DYNLL2: variants seen among roughly 807,000 people sequenced by gnomAD.
The protein encoded by DYNLL2 is dynein light chain 2, cytoplasmic.
In DYNLL2, 1 loss-of-function variant was observed where a neutral mutation model predicts 9.7. That is an observed-to-expected ratio of 0.10 (90% CI 0.04 to 0.49). The LOEUF is 0.49. Ranked by LOEUF, DYNLL2 falls within the 20% of genes least tolerant of loss-of-function variation. The pLI is 0.95. For synonymous variants in DYNLL2, 35 were observed against 40.5 expected (o/e 0.86, Z 0.52); for missense variants, 37 against 115.2 (o/e 0.32, Z 3.11).
rs1220523059 is a variant in DYNLL2, at chr17:58,089,130, G to A, written c.133-12G>A. The A allele has an allele frequency of 6.2e-7, 1 of 1,612,668 alleles. No homozygotes were observed. Among genetic ancestry groups the A allele is most frequent in the Middle Eastern group, 1.6e-4 (1 of 6,062 alleles). On this transcript the variant is annotated splice_polypyrimidine_tract_variant and intron_variant, in intron 2 of 2. Transcript: ENST00000579991. ...CTAATTACCTTTCTTCTCTACCTTT[G>A]TTCTTTTTTAGGAATTTGACAAGAA...
At chr17:58,086,072 CAG>C (rs760409381) in intron 1 of DYNLL2, among the ~76,000 whole-genome samples, 1 of 152,114 alleles carries the variant, frequency 6.6e-6, no homozygotes, top group Non-Finnish European at 1.5e-5. Context: ...GAGGATGGGA[CAG>C]AGAGAGACAT....
rs999099854 is a variant in DYNLL2 at position 58,092,313 on chromosome 17, A to G, written c.*3034A>G. 2 of 152,334 alleles carry G rather than the reference A, an allele frequency of 1.3e-5. No homozygotes were observed. Among genetic ancestry groups the G allele is most frequent in the Admixed American group, 6.5e-5 (1 of 15,298 alleles). The allele number at this position is 152,334 out of a possible 1,614,324, so 9.4% of individuals were successfully genotyped here. A position where few individuals can be genotyped will look rare whatever the true frequency, so the allele number is the denominator to read the frequency against. ...GTGTCTCCAGGGCCAAAGCTCATCT[A>G]CTTTCTTCCCTGATGAAAGAGGCAG... On this transcript the variant is annotated 3_prime_UTR_variant, in exon 3 of 3. Coordinates refer to ENST00000579991, the MANE Select transcript of DYNLL2 (RefSeq NM_080677.3).
Position 58,084,921 on chromosome 17 carries a change from G to T in DYNLL2, c.-10+1238G>T, listed in dbSNP as rs747250621. 2.6e-4 allele frequency among the ~76,000 whole-genome samples: 39 copies of T among 150,656 alleles called. 1 individual carries two copies. Among genetic ancestry groups the T allele is most frequent in the Non-Finnish European group, 1.5e-5 (1 of 67,834 alleles). On this transcript the variant is annotated intron_variant, in intron 1 of 2. Coordinates refer to ENST00000579991, the MANE Select transcript of DYNLL2 (RefSeq NM_080677.3). ...CTTCACTTATACAGAGCCTTATAATGTAAGAACCTTTCTCCCTGTGCTGCT... is the reference window on the plus strand; with the variant it reads ...CTTCACTTATACAGAGCCTTATAATTTAAGAACCTTTCTCCCTGTGCTGCT...
chr17:58,087,868 A>G (rs2075765887), intron 2 of DYNLL2, among the ~76,000 whole-genome samples: 1 of 152,190 alleles, frequency 6.6e-6, no homozygotes, highest in Non-Finnish European at 1.5e-5. Flanking sequence ...AAAAGTAAGA[A>G]AAGGGGTACT....
chr17:58,089,025 G>C (rs1448147306), intron 2 of DYNLL2, 117 bp from the exon 3 acceptor site: 10 of 1,277,260 alleles, frequency 7.8e-6, no homozygotes, highest in Middle Eastern at 1.9e-4. Flanking sequence ...GGGATGGGGT[G>C]GGGGTGATAA....
chr17:58,087,779 C>T (rs2075765623), intron 2 of DYNLL2, among the ~76,000 whole-genome samples: 1 of 152,074 alleles, frequency 6.6e-6, no homozygotes, highest in Non-Finnish European at 1.5e-5. Context: ...AATAATGGGG[C>T]CATAGGTTTG....
chr17:58,084,820 C>G (rs1168262982), intron 1 of DYNLL2, among the ~76,000 whole-genome samples: 1 of 151,950 alleles, frequency 6.6e-6, no homozygotes, highest in African/African-American at 2.4e-5. Flanking sequence ...AGGCCCCACC[C>G]CCACCCCTGG....
intron 1 of DYNLL2, among the ~76,000 whole-genome samples, chr17:58,086,663 T>G (rs1414812518): frequency 2.0e-5 from 3 of 152,206 alleles, no homozygotes; most frequent in Non-Finnish European, 4.4e-5. Context: ...TGTTCAAATG[T>G]TAGGACACCT....
chr17:58,084,887 C>A (rs115886876), intron 1 of DYNLL2, among the ~76,000 whole-genome samples: 1,871 of 151,618 alleles, frequency 0.012, 56 homozygotes, highest in African/African-American at 0.042. Flanking sequence ...CCAGGTGACA[C>A]TAGTTTTTCT....
At chr17:58,084,733 T>C (rs577290604) in intron 1 of DYNLL2, among the ~76,000 whole-genome samples, 1 of 152,198 alleles carries the variant, frequency 6.6e-6, no homozygotes, top group Non-Finnish European at 1.5e-5. Flanking sequence ...CTTTGGACTT[T>C]GGGAATGAGG....
chr17:58,092,583 C>A lies in DYNLL2; in HGVS notation c.*3304C>A. On this transcript the variant is annotated 3_prime_UTR_variant, in exon 3 of 3. Transcript: ENST00000579991. ...CATAGGAGCATCAATATCCCTGCTC[C>A]TTGTATCCTGTTCTCCAGTCTTCTG... The A allele has an allele frequency of 6.6e-6, 1 of 152,234 alleles. No homozygotes were observed. Among genetic ancestry groups the A allele is most frequent in the Non-Finnish European group, 1.5e-5 (1 of 68,050 alleles). 9.4% of individuals were successfully genotyped at this position (152,234 alleles called of 1,614,324 possible).
rs1276001026 is a variant in DYNLL2 at position 58,083,445 on chromosome 17, G to A, written c.-248G>A. On this transcript the variant is annotated 5_prime_UTR_variant, in exon 1 of 3. Transcript: ENST00000579991. Reference sequence around the variant, plus strand: ...GCGGCAGAGCGGAGCGGAGCTGTGAGGCGCCAGTGCGGAGCGGGCGGGCGG... The same window carrying A: ...GCGGCAGAGCGGAGCGGAGCTGTGAAGCGCCAGTGCGGAGCGGGCGGGCGG... 1 of 116,614 alleles carries A rather than the reference G, an allele frequency of 8.6e-6. No individual in the cohort carries two copies. Among genetic ancestry groups the A allele is most frequent in the East Asian group, 3.5e-4 (1 of 2,854 alleles). 7.2% of individuals were successfully genotyped at this position (116,614 alleles called of 1,614,324 possible). A position where few individuals can be genotyped will look rare whatever the true frequency, so the allele number is the denominator to read the frequency against.
chr17:58,086,331 A>G (rs2075759876), intron 1 of DYNLL2, among the ~76,000 whole-genome samples: 1 of 152,266 alleles, frequency 6.6e-6, no homozygotes, highest in Non-Finnish European at 1.5e-5. Context: ...CAACTCTGCT[A>G]TCGTAGCATG....
At chr17:58,084,519 T>G (rs896176921) in intron 1 of DYNLL2, among the ~76,000 whole-genome samples, 1 of 152,148 alleles carries the variant, frequency 6.6e-6, no homozygotes, top group Non-Finnish European at 1.5e-5. Context: ...CCCAGGTCCC[T>G]TGCTTTTTCC....
rs752086307 is a variant in DYNLL2, at chr17:58,092,421, C to G, written c.*3142C>G. 1 of 152,238 alleles carries G rather than the reference C, an allele frequency of 6.6e-6. No individual in the cohort carries two copies. Among genetic ancestry groups the G allele is most frequent in the African/African-American group, 2.4e-5 (1 of 41,436 alleles). The allele number at this position is 152,238 out of a possible 1,614,324, so 9.4% of individuals were successfully genotyped here. Reference sequence around the variant, plus strand: ...TGGAAGACTAATCCTGCAGGGCTTCCTGGAGGAGATGAGCCTCCACTTTTC... The same window carrying G: ...TGGAAGACTAATCCTGCAGGGCTTCGTGGAGGAGATGAGCCTCCACTTTTC... On this transcript the variant is annotated 3_prime_UTR_variant, in exon 3 of 3. Coordinates refer to ENST00000579991, the MANE Select transcript of DYNLL2 (RefSeq NM_080677.3).
chr17:58,092,865 C>T lies in DYNLL2; in HGVS notation c.*3586C>T, dbSNP rs1397041986. Reference sequence around the variant, plus strand: ...GTGTGGTTCCCCGCTAAATTATTCTCTCACCTCCTTTCAGTCTTTGCTCAA... The same window carrying T: ...GTGTGGTTCCCCGCTAAATTATTCTTTCACCTCCTTTCAGTCTTTGCTCAA... On this transcript the variant is annotated 3_prime_UTR_variant, in exon 3 of 3. Coordinates refer to ENST00000579991, the MANE Select transcript of DYNLL2 (RefSeq NM_080677.3). 6.6e-6 allele frequency: 1 copy of T among 152,028 alleles called. No homozygotes were observed. Among genetic ancestry groups the T allele is most frequent in the Admixed American group, 6.5e-5 (1 of 15,284 alleles). The allele number at this position is 152,028 out of a possible 1,614,324, so 9.4% of individuals were successfully genotyped here. A position where few individuals can be genotyped will look rare whatever the true frequency, so the allele number is the denominator to read the frequency against.
rs2143594738 is a variant in DYNLL2 at position 58,087,073 on chromosome 17, C to G, written c.-9-9C>G. 6.2e-7 allele frequency: 1 copy of G among 1,612,718 alleles called. No individual in the cohort carries two copies. The highest frequency in any genetic ancestry group is 2.2e-5 in the East Asian group (1 of 44,880). On this transcript the variant is annotated splice_polypyrimidine_tract_variant and intron_variant, in intron 1 of 2. Transcript: ENST00000579991. Reference sequence around the variant, plus strand: ...AGTTGTCAGCCTTACCTCTCTGCTCCTTCTGTAGTGTCACACCATGTCTGA... The same window carrying G: ...AGTTGTCAGCCTTACCTCTCTGCTCGTTCTGTAGTGTCACACCATGTCTGA...
chr17:58,092,472 A>G lies in DYNLL2; in HGVS notation c.*3193A>G, dbSNP rs2075783663. On this transcript the variant is annotated 3_prime_UTR_variant, in exon 3 of 3. Coordinates refer to ENST00000579991, the MANE Select transcript of DYNLL2 (RefSeq NM_080677.3). ...GGGGCCCAGGATGGGAAAGTATGTG[A>G]GCATGTGTCACTGAAGGGACTGTGG... 6.6e-6 allele frequency: 1 copy of G among 152,260 alleles called. No individual in the cohort carries two copies. The highest frequency in any genetic ancestry group is 6.5e-5 in the Admixed American group (1 of 15,280). 9.4% of individuals were successfully genotyped at this position (152,260 alleles called of 1,614,324 possible).
rs2075780693 is a variant in DYNLL2 at position 58,091,677 on chromosome 17, A to G, written c.*2398A>G. 1.3e-5 allele frequency: 2 copies of G among 152,142 alleles called. No individual in the cohort carries two copies. Among genetic ancestry groups the G allele is most frequent in the Admixed American group, 1.3e-4 (2 of 15,284 alleles). 9.4% of individuals were successfully genotyped at this position (152,142 alleles called of 1,614,324 possible). On this transcript the variant is annotated 3_prime_UTR_variant, in exon 3 of 3. Coordinates refer to ENST00000579991, the MANE Select transcript of DYNLL2 (RefSeq NM_080677.3). The stretch of plus-strand genomic sequence containing the variant: ...GAAATGGAAAGCTGGGGATATTTAG[A>G]AAGATGGCACCTCTTTTGGTGGAAC...
Sources: allele counts gnomAD v4.1 joint callset (sites outside exome capture counted in the v4.1 genomes callset), GRCh38; gene constraint gnomAD v4.1.1; transcripts MANE v1.5; gene names NCBI Gene and HGNC (gene_info 2026-07-23, HGNC 2026-07-21).